The following GALNT17 variants were observed in gnomAD, a reference collection of about 807,000 sequenced individuals.
The protein encoded by GALNT17 is UDP-GalNAc:polypeptide N-acetylgalactosaminyltransferase-like 3.
In GALNT17, 29 loss-of-function variants were observed where a neutral mutation model predicts 63.7. The observed-to-expected ratio is 0.46, with a 90% CI of 0.34 to 0.62. GALNT17 has a LOEUF of 0.62. GALNT17 is among the 20% of genes least tolerant of loss of function. The pLI is 0.01. For missense variants in GALNT17, 603 were observed against 799.6 expected, an observed-to-expected ratio of 0.75 and a Z score of 2.97; for synonymous variants, 305 against 318.3, an observed-to-expected ratio of 0.96 and a Z score of 0.45.
intron 6 of GALNT17, among the ~76,000 whole-genome samples, chr7:71,593,942 A>G (rs1215697147): frequency 2.6e-5 from 4 of 152,164 alleles, no homozygotes. Context: ...TACAAGAACA[A>G]CCACGCAGGG....
At chr7:71,268,710 A>G (rs1790534743) in intron 1 of GALNT17, among the ~76,000 whole-genome samples, 1 of 152,040 alleles carries the variant, frequency 6.6e-6, no homozygotes, top group African/African-American at 2.4e-5. Context: ...GCAGGGTTTG[A>G]TGAGTGCATT....
chr7:71,139,721 G>A (rs1467454000), intron 1 of GALNT17, among the ~76,000 whole-genome samples: 3 of 152,060 alleles, frequency 2.0e-5, no homozygotes, highest in Non-Finnish European at 2.9e-5. Context: ...GGCCGGGCAC[G>A]GTGGCTCAAG....
intron 1 of GALNT17, among the ~76,000 whole-genome samples, chr7:71,226,874 G>A (rs1011388662): frequency 6.6e-6 from 1 of 152,050 alleles, no homozygotes; most frequent in Non-Finnish European, 1.5e-5. Context: ...GGTCTCCTTT[G>A]GAAAAGAAGC....
At chr7:71,618,245 T>C (rs1790246213) in intron 6 of GALNT17, among the ~76,000 whole-genome samples, 1 of 152,242 alleles carries the variant, frequency 6.6e-6, no homozygotes, top group African/African-American at 2.4e-5. Flanking sequence ...ACCATGTCTT[T>C]GCTATTGTGA....
chr7:71,376,428 T>TTTG, intron 2 of GALNT17, among the ~76,000 whole-genome samples: 3 of 39,992 alleles, frequency 7.5e-5, no homozygotes, highest in African/African-American at 2.7e-4. Flanking sequence ...TGGAGTTGTT[T>TTTG]TTTTTTTTTT....
At chr7:71,168,928 AT>A (rs1203606347) in intron 1 of GALNT17, among the ~76,000 whole-genome samples, 1 of 152,126 alleles carries the variant, frequency 6.6e-6, no homozygotes, top group African/African-American at 2.4e-5. Flanking sequence ...GATTGCTGAC[AT>A]TTTGTTTAGA....
intron 1 of GALNT17, among the ~76,000 whole-genome samples, chr7:71,150,753 G>A (rs1440243836): frequency 4.6e-5 from 7 of 151,544 alleles, no homozygotes; most frequent in Admixed American, 1.3e-4. Flanking sequence ...CTCGTGATCC[G>A]CCCACCTCGG....
At chr7:71,561,462 C>T (rs914358570) in intron 5 of GALNT17, among the ~76,000 whole-genome samples, 4 of 152,196 alleles carry the variant, frequency 2.6e-5, no homozygotes, top group East Asian at 1.9e-4. Flanking sequence ...GTGTTTTGCA[C>T]GTGGGACCTT....
chr7:71,589,879 C>T (rs1237366569), intron 6 of GALNT17, among the ~76,000 whole-genome samples: 1 of 152,212 alleles, frequency 6.6e-6, no homozygotes, highest in Non-Finnish European at 1.5e-5. Flanking sequence ...CTTCCACCAT[C>T]TGGATAACTG....
At chr7:71,575,165 C>T (rs1378550649) in intron 6 of GALNT17, among the ~76,000 whole-genome samples, 1 of 152,174 alleles carries the variant, frequency 6.6e-6, no homozygotes, top group Admixed American at 6.5e-5. Context: ...TTTTGTACTA[C>T]TTAGGGCTTG....
chr7:71,547,754 C>A (rs903662762), intron 5 of GALNT17, among the ~76,000 whole-genome samples: 1 of 152,096 alleles, frequency 6.6e-6, no homozygotes, highest in Non-Finnish European at 1.5e-5. Context: ...CTTTTATTAC[C>A]CATTGTCTAG....
At chr7:71,151,944 A>G (rs998434252) in intron 1 of GALNT17, among the ~76,000 whole-genome samples, 11 of 152,218 alleles carry the variant, frequency 7.2e-5, no homozygotes, top group African/African-American at 1.2e-4. Flanking sequence ...GCAAACATTT[A>G]TATTTGTGCC....
chr7:71,220,956 C>T (rs994035890), intron 1 of GALNT17, among the ~76,000 whole-genome samples: 3 of 152,144 alleles, frequency 2.0e-5, no homozygotes, highest in African/African-American at 4.8e-5. Flanking sequence ...ATAGATCTTT[C>T]CTCTAGGGCT....
chr7:71,263,325 C>T (rs1171654128), intron 1 of GALNT17, among the ~76,000 whole-genome samples: 1 of 152,094 alleles, frequency 6.6e-6, no homozygotes, highest in Non-Finnish European at 1.5e-5. Flanking sequence ...CGCTACTGCA[C>T]TCCAGCCTTG....
intron 6 of GALNT17, among the ~76,000 whole-genome samples, chr7:71,610,760 C>T (rs1206633138): frequency 1.4e-4 from 21 of 151,848 alleles, no homozygotes; most frequent in African/African-American, 4.3e-4. Context: ...CTGAGGTGAG[C>T]GGATCACCTG....
In GALNT17 at chr7:71,611,042, T is replaced by A. The variant is rs149712828; in HGVS notation, c.1080+39640T>A. Among the ~76,000 whole-genome samples, 317 of 151,264 alleles carry A rather than the reference T, an allele frequency of 2.1e-3. 3 individuals are homozygous for A. The highest frequency in any genetic ancestry group is 7.3e-3 in the African/African-American group (302 of 41,242). ...ACATAACCTCTGAGCTTCTGTCTGA[T>A]CTTTTGTCTCCACTGTCTTCTTTAT... On this transcript the variant is annotated intron_variant, in intron 6 of 10. Transcript: ENST00000333538.
chr7:71,645,583 T>C (rs534167070), intron 6 of GALNT17, among the ~76,000 whole-genome samples: 5 of 152,304 alleles, frequency 3.3e-5, no homozygotes, highest in East Asian at 1.9e-4. Flanking sequence ...AGTATCTTTA[T>C]AGCAGTGTGA....
chr7:71,416,865 A>C (rs1786543413), intron 4 of GALNT17, among the ~76,000 whole-genome samples: 1 of 152,192 alleles, frequency 6.6e-6, no homozygotes, highest in Non-Finnish European at 1.5e-5. Context: ...CATTTTCTGC[A>C]GATAGGCCCT....
In GALNT17 at chr7:71,321,776, C is replaced by T. The variant is rs561445513; in HGVS notation, c.239-13774C>T. On this transcript the variant is annotated intron_variant, in intron 1 of 10. Transcript: ENST00000333538. Reference sequence around the variant, plus strand: ...TGAACTCCTGACCTCAAGTGATCTGCCCACCTTGGCCCCCCAAAATGCTCA... The same window carrying T: ...TGAACTCCTGACCTCAAGTGATCTGTCCACCTTGGCCCCCCAAAATGCTCA... Among the ~76,000 whole-genome samples, 414 of 151,816 alleles carry T rather than the reference C, an allele frequency of 2.7e-3. 17 individuals are homozygous for T. Among genetic ancestry groups the T allele is most frequent in the Non-Finnish European group, 3.3e-3 (221 of 67,920 alleles).
Sources: allele counts gnomAD v4.1 joint callset (sites outside exome capture counted in the v4.1 genomes callset), GRCh38; gene constraint gnomAD v4.1.1; transcripts MANE v1.5; gene names NCBI Gene and HGNC (gene_info 2026-07-23, HGNC 2026-07-21).